ERCC1: variants seen among roughly 807,000 people sequenced by gnomAD.
ERCC1 encodes ERCC excision repair 1, endonuclease non-catalytic subunit, also known as DNA excision repair protein ERCC-1.
In ERCC1, 36 loss-of-function variants were observed where a neutral mutation model predicts 37.6. The ratio of observed to expected loss-of-function variants is 0.96; its 90% CI spans 0.73 to 1.26. The LOEUF is 1.26. Among genes scored for constraint, ERCC1 ranks in the 50% most tolerant of loss-of-function variants. The probability of loss-of-function intolerance (pLI) is 0.00; values close to 1 mark genes in which losing one functional copy is unlikely to be tolerated. For synonymous variants in ERCC1, 156 were observed against 162.1 expected (o/e 0.96, Z 0.28); for missense variants, 349 against 376.5 (o/e 0.93, Z 0.60).
chr19:45,418,922 C>T (rs1188130439), intron 5 of ERCC1, among the ~76,000 whole-genome samples, 176 bp downstream of exon 5: 2 of 152,026 alleles, frequency 1.3e-5, no homozygotes, highest in Admixed American at 6.6e-5. Context: ...AGGAAATAGA[C>T]AATTTTGCCC....
In ERCC1 at chr19:45,423,395, T is replaced by C; in HGVS notation, c.-7-14A>G. ...TCCATCTGGAGCCTGAAAGGGAAGG[T>C]GCCAGGAGCGAGTGAGCCACTGGCG... On this transcript the variant is annotated splice_polypyrimidine_tract_variant and intron_variant, in intron 1 of 9. Transcript: ENST00000300853. 6.2e-7 allele frequency: 1 copy of C among 1,602,348 alleles called. No homozygotes were observed. The highest frequency in any genetic ancestry group is 8.5e-7 in the Non-Finnish European group (1 of 1,174,814).
intron 1 of ERCC1, among the ~76,000 whole-genome samples, chr19:45,434,069 G>A (rs1974905547): frequency 6.7e-6 from 1 of 148,870 alleles, no homozygotes; most frequent in South Asian, 2.1e-4. Flanking sequence ...ACTTGAACCC[G>A]AGAGGCAGAG....
chr19:45,445,780 G>A (rs1966921590), intron 1 of ERCC1, among the ~76,000 whole-genome samples: 2 of 152,284 alleles, frequency 1.3e-5, no homozygotes, highest in Middle Eastern at 3.4e-3. Flanking sequence ...GGCTGATCCC[G>A]CAGGGCCCGA....
At chr19:45,415,776 C>T (rs563717604) in intron 6 of ERCC1, 2 of 455,938 alleles carry the variant, frequency 4.4e-6, no homozygotes, top group South Asian at 3.1e-5. Flanking sequence ...CTCTTGGGAG[C>T]CCAACCCCAC....
intron 1 of ERCC1, among the ~76,000 whole-genome samples, chr19:45,429,486 AAAAT>A (rs1914752771): frequency 6.6e-6 from 1 of 152,142 alleles, no homozygotes; most frequent in African/African-American, 2.4e-5. Flanking sequence ...GAAGGAAAGA[AAAAT>A]AAAGACAGAA....
chr19:45,433,360 T>TA (rs1332451841), intron 1 of ERCC1, among the ~76,000 whole-genome samples: 4 of 152,024 alleles, frequency 2.6e-5, no homozygotes, highest in African/African-American at 9.7e-5. Flanking sequence ...ACCCCGTCTC[T>TA]ACTAAAAATA....
At chr19:45,413,259 T>A in intron 9 of ERCC1, among the ~76,000 whole-genome samples, 1 of 152,164 alleles carries the variant, frequency 6.6e-6, no homozygotes, top group East Asian at 1.9e-4. Context: ...TCTAGTTTCA[T>A]TCTTCCTCAT....
chr19:45,413,899 G>A lies in ERCC1; in HGVS notation c.774+64C>T, dbSNP rs104894989. On this transcript the variant is annotated intron_variant, in intron 8 of 9. Coordinates refer to ENST00000300853, the MANE Select transcript of ERCC1 (RefSeq NM_001983.4). ...GGCAGGGAGATGGAAGGAAATGGGT[G>A]ACAGGCTTTCTAAAAAAGGCAAGGG... is the stretch of plus-strand genomic sequence containing the variant. 1.9e-6 allele frequency: 3 copies of A among 1,578,452 alleles called. No individual in the cohort carries two copies. Among genetic ancestry groups the A allele is most frequent in the Non-Finnish European group, 2.6e-6 (3 of 1,147,920 alleles).
At chr19:45,449,638 C>G (rs188633673) in intron 1 of ERCC1, among the ~76,000 whole-genome samples, 1 of 151,962 alleles carries the variant, frequency 6.6e-6, no homozygotes, top group African/African-American at 2.4e-5. Flanking sequence ...GCACTCTAGC[C>G]TGGGCAACAG....
At chr19:45,419,038 A>G (rs984229852) in intron 5 of ERCC1, 60 bp downstream of exon 5, 3 of 1,139,488 alleles carry the variant, frequency 2.6e-6, no homozygotes, top group Non-Finnish European at 3.9e-6. Flanking sequence ...AAGGGATTCA[A>G]CAGCCCACTG....
chr19:45,440,419 G>C (rs1975091119), intron 1 of ERCC1, among the ~76,000 whole-genome samples: 1 of 152,246 alleles, frequency 6.6e-6, no homozygotes, highest in Non-Finnish European at 1.5e-5. Context: ...AGGATCACAG[G>C]GAGTCAGGAG....
rs556014693 is a variant in ERCC1 at position 45,418,981 on chromosome 19, A to T, written c.525+117T>A. 3 of 754,688 alleles carry T rather than the reference A, an allele frequency of 4.0e-6. No homozygotes were observed. In the Admixed American group the frequency reaches 6.0e-5, roughly 15 times the overall value. The allele number at this position is 754,688 out of a possible 1,614,324, so 46.7% of individuals were successfully genotyped here. A position where few individuals can be genotyped will look rare whatever the true frequency, so the allele number is the denominator to read the frequency against. ...GTCTTGGTGACCCATGTCATCTCAG[A>T]TGTGAAAAACGTTCCTCGCTGAGGT... On this transcript the variant is annotated intron_variant, in intron 5 of 9. Coordinates refer to ENST00000300853, the MANE Select transcript of ERCC1 (RefSeq NM_001983.4).
At chr19:45,432,103 C>CT (rs896167156) in intron 1 of ERCC1, among the ~76,000 whole-genome samples, 2 of 151,984 alleles carry the variant, frequency 1.3e-5, no homozygotes, top group Admixed American at 6.6e-5. Flanking sequence ...TCCCGAGTAG[C>CT]TGGGACTACA....
At position 45,409,128 on chromosome 19, in the gene ERCC1, C is replaced by A. The variant is rs763442500; in HGVS notation, c.*547G>T. 3.7e-6 allele frequency: 6 copies of A among 1,612,914 alleles called. No individual in the cohort carries two copies. The highest frequency in any genetic ancestry group is 5.1e-6 in the Non-Finnish European group (6 of 1,179,324). On this transcript the variant is annotated 3_prime_UTR_variant, in exon 10 of 10. Transcript: ENST00000300853. Reference sequence around the variant, plus strand: ...GCTCTGGCAGCTCCCAAAAAGAAGACGAAGAAAGAAAAACAGCAAGATGCC... The same window carrying A: ...GCTCTGGCAGCTCCCAAAAAGAAGAAGAAGAAAGAAAAACAGCAAGATGCC...
chr19:45,443,535 T>G (rs1429983581), intron 1 of ERCC1, among the ~76,000 whole-genome samples: 1 of 151,822 alleles, frequency 6.6e-6, no homozygotes, highest in Admixed American at 6.6e-5. Context: ...CACGAGCCGC[T>G]CCCCCAGGAT....
chr19:45,415,565 G>C (rs962610393), intron 6 of ERCC1, among the ~76,000 whole-genome samples: 2 of 150,904 alleles, frequency 1.3e-5, no homozygotes, highest in African/African-American at 4.9e-5. Flanking sequence ...GAACCCGGGA[G>C]GTGGAGTTTG....
chr19:45,424,092 A>G (rs1404217257), upstream of ERCC1: 2 of 1,037,722 alleles, frequency 1.9e-6, no homozygotes, highest in East Asian at 5.8e-5. Flanking sequence ...CTGTGTGCCC[A>G]GAATCCTGGC....
intron 1 of ERCC1, among the ~76,000 whole-genome samples, chr19:45,450,978 C>T (rs916262798): frequency 2.6e-4 from 37 of 143,460 alleles, no homozygotes; most frequent in Non-Finnish European, 7.6e-5. Flanking sequence ...CTGTTTGTCC[C>T]GGGCTGGGTG....
intron 5 of ERCC1, 55 bp from the exon 6 acceptor site, chr19:45,416,952 C>T (rs755148565): frequency 4.4e-6 from 6 of 1,373,526 alleles, no homozygotes; most frequent in Non-Finnish European, 6.2e-6. Context: ...CAAAAATTAG[C>T]CAGGCGTGGT....
Sources: allele counts gnomAD v4.1 joint callset (sites outside exome capture counted in the v4.1 genomes callset), GRCh38; gene constraint gnomAD v4.1.1; transcripts MANE v1.5; gene names NCBI Gene and HGNC (gene_info 2026-07-23, HGNC 2026-07-21).